DNM3: variants seen among roughly 807,000 people sequenced by gnomAD.
DNM3 encodes dynamin 3.
In DNM3, 47 loss-of-function variants were observed where a neutral mutation model predicts 101.6. The ratio of observed to expected loss-of-function variants is 0.46; its 90% CI spans 0.37 to 0.59. The LOEUF (loss-of-function observed/expected upper bound fraction) is 0.59, where lower values mean the gene tolerates loss of function less well. Among genes scored for constraint, DNM3 ranks in the 20% least tolerant of loss-of-function variants. The pLI, the probability that DNM3 is intolerant of heterozygous loss-of-function variation, is 0.00. For synonymous variants in DNM3, 385 were observed against 387.9 expected (o/e 0.99, Z 0.09); for missense variants, 849 against 1,085.7 (o/e 0.78, Z 3.06).
intron 14 of DNM3, among the ~76,000 whole-genome samples, chr1:172,230,842 T>C (rs2061309731): frequency 6.6e-6 from 1 of 152,086 alleles, no homozygotes; most frequent in Admixed American, 6.6e-5. Context: ...TTAGAACACA[T>C]TCTCCTCTTG....
intron 1 of DNM3, among the ~76,000 whole-genome samples, chr1:171,854,521 G>A (rs111382986): frequency 7.2e-5 from 11 of 151,996 alleles, no homozygotes; most frequent in East Asian, 3.9e-4. Context: ...ACAAAGTCTC[G>A]CTCTTGTCGC....
At chr1:172,101,255 C>T (rs1030787137) in intron 13 of DNM3, among the ~76,000 whole-genome samples, 2 of 152,108 alleles carry the variant, frequency 1.3e-5, no homozygotes, top group African/African-American at 4.8e-5. Flanking sequence ...ATGGTTAATA[C>T]CTCATCATTA....
intron 14 of DNM3, among the ~76,000 whole-genome samples, chr1:172,155,516 A>AT (rs1421446001): frequency 6.6e-6 from 1 of 151,900 alleles, no homozygotes; most frequent in African/African-American, 2.4e-5. Context: ...TGCTCTGGTG[A>AT]TTTTTTAGCT....
At chr1:172,293,475 A>G (rs2064017378) in intron 15 of DNM3, among the ~76,000 whole-genome samples, 1 of 152,232 alleles carries the variant, frequency 6.6e-6, no homozygotes, top group East Asian at 1.9e-4. Flanking sequence ...TAATAGTGGA[A>G]TTATTCAGAA....
At chr1:172,361,291 T>C (rs1222091812) in intron 17 of DNM3, among the ~76,000 whole-genome samples, 2 of 151,954 alleles carry the variant, frequency 1.3e-5, no homozygotes, top group Non-Finnish European at 2.9e-5. Context: ...TAGTGCCAAT[T>C]ATGACGGTCA....
At chr1:172,326,455 A>G (rs1180056767) in intron 17 of DNM3, among the ~76,000 whole-genome samples, 20 of 152,186 alleles carry the variant, frequency 1.3e-4, no homozygotes, top group Non-Finnish European at 5.9e-5. Context: ...ATATGTACAG[A>G]AACAGGGAGG....
intron 11 of DNM3, among the ~76,000 whole-genome samples, chr1:172,074,676 A>G (rs1572391224): frequency 6.6e-6 from 1 of 152,194 alleles, no homozygotes; most frequent in South Asian, 2.1e-4. Context: ...ATAGTATTCC[A>G]TGGTGTATAT....
intron 2 of DNM3, among the ~76,000 whole-genome samples, chr1:171,928,097 G>C (rs115211535): frequency 6.6e-6 from 1 of 152,224 alleles, no homozygotes; most frequent in African/African-American, 2.4e-5. Context: ...GCTTCAGGGT[G>C]GGGTATGTTA....
chr1:172,339,810 C>T (rs1363040949), intron 17 of DNM3, among the ~76,000 whole-genome samples: 1 of 152,132 alleles, frequency 6.6e-6, no homozygotes, highest in Admixed American at 6.5e-5. Flanking sequence ...TAAAAGATTA[C>T]TAAGTCAGTC....
chr1:172,265,227 G>A lies in DNM3; in HGVS notation c.1769+11545G>A, dbSNP rs1054170407. Among the ~76,000 whole-genome samples, 5 of 149,098 alleles carry A rather than the reference G, an allele frequency of 3.4e-5. No homozygotes were observed. In the East Asian group the frequency reaches 9.7e-4, roughly 29 times the overall value. ...GTAGTCCCCCATCATCAGGTGTGTG[G>A]GAATTAATACATTTAACATCCTTTA... On this transcript the variant is annotated intron_variant, in intron 15 of 20. Transcript: ENST00000627582.
intron 14 of DNM3, among the ~76,000 whole-genome samples, chr1:172,215,612 G>A (rs1260119307): frequency 6.6e-6 from 1 of 151,838 alleles, no homozygotes; most frequent in Non-Finnish European, 1.5e-5. Context: ...AGATATCAGA[G>A]CAAAAATTGG....
chr1:172,337,902 TTTTATTTTATTTTATTTTA>T (rs550307744), intron 17 of DNM3, among the ~76,000 whole-genome samples: 3,167 of 141,218 alleles, frequency 0.022, 44 homozygotes, highest in Middle Eastern at 0.064. Flanking sequence ...TTTTATTTTA[TTTTATTTTATTTTATTTTA>T]TTTTATTATT....
chr1:172,248,404 T>G (rs1573126206), intron 14 of DNM3, among the ~76,000 whole-genome samples: 1 of 152,150 alleles, frequency 6.6e-6, no homozygotes, highest in Non-Finnish European at 1.5e-5. Context: ...CTGTTACATG[T>G]AAACACAAAA....
chr1:172,116,732 A>G (rs1470670163), intron 13 of DNM3, among the ~76,000 whole-genome samples: 1 of 152,238 alleles, frequency 6.6e-6, no homozygotes, highest in African/African-American at 2.4e-5. Flanking sequence ...TTATCTTGAT[A>G]CTTCTCAGCA....
intron 14 of DNM3, among the ~76,000 whole-genome samples, chr1:172,233,311 A>G (rs993255215): frequency 1.3e-5 from 2 of 152,336 alleles, no homozygotes; most frequent in African/African-American, 2.4e-5. Context: ...AAATTCCTGG[A>G]CACATACACC....
chr1:172,199,521 CCT>C (rs2060075162), intron 14 of DNM3, among the ~76,000 whole-genome samples: 1 of 151,988 alleles, frequency 6.6e-6, no homozygotes, highest in Admixed American at 6.6e-5. Context: ...GAAGTCTCTT[CCT>C]ATTATCATGT....
intron 1 of DNM3, among the ~76,000 whole-genome samples, chr1:171,857,431 A>G (rs1161928231): frequency 1.3e-5 from 2 of 152,276 alleles, no homozygotes; most frequent in East Asian, 3.9e-4. Flanking sequence ...CCCTGGAGGA[A>G]GGATAGTAAA....
intron 17 of DNM3, among the ~76,000 whole-genome samples, chr1:172,363,246 T>C (rs1409599215): frequency 6.6e-6 from 1 of 151,938 alleles, no homozygotes; most frequent in African/African-American, 2.4e-5. Context: ...TTTCTAAATC[T>C]ACATTTTCTG....
intron 2 of DNM3, among the ~76,000 whole-genome samples, chr1:171,971,108 CT>C (rs2043961073): frequency 6.6e-6 from 1 of 152,056 alleles, no homozygotes; most frequent in African/African-American, 2.4e-5. Context: ...TTCATAAATG[CT>C]TTATGCTTTC....
Sources: allele counts gnomAD v4.1 joint callset (sites outside exome capture counted in the v4.1 genomes callset), GRCh38; gene constraint gnomAD v4.1.1; transcripts MANE v1.5; gene names NCBI Gene and HGNC (gene_info 2026-07-23, HGNC 2026-07-21).